ZNF365: variants seen among roughly 807,000 people sequenced by gnomAD.
ZNF365 encodes protein ZNF365.
Under a neutral mutation model 35.0 loss-of-function variants are expected in ZNF365, and 22 were observed. The ratio of observed to expected loss-of-function variants is 0.63; its 90% CI spans 0.45 to 0.90. The LOEUF (loss-of-function observed/expected upper bound fraction) is 0.90, where lower values mean the gene tolerates loss of function less well. ZNF365 is among the 40% of genes least tolerant of loss of function. The pLI, the probability that ZNF365 is intolerant of heterozygous loss-of-function variation, is 0.00. For missense variants in ZNF365, 448 were observed against 500.3 expected, an observed-to-expected ratio of 0.90 and a Z score of 1.00; for synonymous variants, 188 against 196.2, an observed-to-expected ratio of 0.96 and a Z score of 0.35.
chr10:62,375,151 A>G (rs1341109310), intron 1 of ZNF365, among the ~76,000 whole-genome samples: 1 of 152,184 alleles, frequency 6.6e-6, no homozygotes, highest in Non-Finnish European at 1.5e-5. Flanking sequence ...TCATGGAGGA[A>G]TAGAAGATAT....
chr10:62,375,951 T>C (rs1252265441), intron 1 of ZNF365: 3 of 496,358 alleles, frequency 6.0e-6, no homozygotes, highest in African/African-American at 3.8e-5. Context: ...ACCACTGCCA[T>C]TGTGGTTTAC....
At chr10:62,471,435 T>G (rs898323453) in intron 4 of ZNF365, among the ~76,000 whole-genome samples, 3 of 152,076 alleles carry the variant, frequency 2.0e-5, no homozygotes, top group African/African-American at 7.2e-5. Flanking sequence ...ATTTACTTAA[T>G]TCTTATGAAA....
At chr10:62,415,020 G>T (rs10740077) in intron 3 of ZNF365, among the ~76,000 whole-genome samples, 1 of 151,602 alleles carries the variant, frequency 6.6e-6, no homozygotes, top group African/African-American at 2.4e-5. Context: ...TAAAATTTTC[G>T]TCTGATTTGT....
intron 2 of ZNF365, among the ~76,000 whole-genome samples, chr10:62,386,694 GAAGAA>G (rs1839532014): frequency 6.6e-6 from 1 of 152,320 alleles, no homozygotes; most frequent in East Asian, 1.9e-4. Context: ...TATTAGTACA[GAAGAA>G]AAGAGCTGGA....
chr10:62,414,569 T>C (rs907055285), intron 3 of ZNF365, among the ~76,000 whole-genome samples: 1 of 152,172 alleles, frequency 6.6e-6, no homozygotes, highest in African/African-American at 2.4e-5. Context: ...CCAATTGTAC[T>C]ACCTGGTGGA....
At chr10:62,473,691 G>A (rs189587181) in intron 4 of ZNF365, among the ~76,000 whole-genome samples, 4 of 152,204 alleles carry the variant, frequency 2.6e-5, no homozygotes, top group Admixed American at 2.0e-4. Flanking sequence ...TAAATGCTGT[G>A]TTAGATGTGT....
In ZNF365 at chr10:62,425,577, G is replaced by A. The variant is rs1368119271; in HGVS notation, c.925-34164G>A. ...ATATGGTCCAGTCAAGGACCTGTGT[G>A]ATTACCATTCCCTCTGCCTAAACTG... On this transcript the variant is annotated intron_variant, in intron 3 of 4. Coordinates refer to the ZNF365 transcript ENST00000395255. 3.3e-5 allele frequency among the ~76,000 whole-genome samples: 5 copies of A among 152,294 alleles called. 1 individual carries two copies. Among genetic ancestry groups the A allele is most frequent in the African/African-American group, 1.2e-4 (5 of 41,570 alleles).
intron 3 of ZNF365, among the ~76,000 whole-genome samples, chr10:62,394,675 A>T (rs190831641): frequency 1.6e-4 from 24 of 152,340 alleles, no homozygotes; most frequent in African/African-American, 4.3e-4. Flanking sequence ...AAGGGAATTG[A>T]GGGAAAGATA....
chr10:62,379,817 G>C (rs755425092), intron 2 of ZNF365, among the ~76,000 whole-genome samples: 3 of 152,118 alleles, frequency 2.0e-5, no homozygotes, highest in Admixed American at 2.0e-4. Flanking sequence ...TCAGATAAGG[G>C]AAGACCGTAT....
chr10:62,450,128 A>G (rs1269616298), intron 3 of ZNF365, among the ~76,000 whole-genome samples: 3 of 151,940 alleles, frequency 2.0e-5, no homozygotes, highest in African/African-American at 4.8e-5. Context: ...AAATTTTAAG[A>G]CTTAGTGGTG....
At chr10:62,412,936 A>G (rs1802386721) in intron 3 of ZNF365, among the ~76,000 whole-genome samples, 1 of 152,172 alleles carries the variant, frequency 6.6e-6, no homozygotes, top group Non-Finnish European at 1.5e-5. Context: ...AAGGCAGTTC[A>G]TAGCTGATGC....
intron 3 of ZNF365, among the ~76,000 whole-genome samples, chr10:62,439,842 C>T (rs1840467020): frequency 1.3e-5 from 2 of 152,182 alleles, no homozygotes; most frequent in South Asian, 4.2e-4. Flanking sequence ...CATATCCTAA[C>T]TGACACAATC....
chr10:62,477,088 G>A (rs1163733536), intron 4 of ZNF365, among the ~76,000 whole-genome samples: 3 of 152,184 alleles, frequency 2.0e-5, no homozygotes, highest in African/African-American at 4.8e-5. Flanking sequence ...ATTAAAAAGT[G>A]GAGCCAGACT....
intron 3 of ZNF365, among the ~76,000 whole-genome samples, chr10:62,428,879 T>A (rs1053439024): frequency 1.3e-5 from 2 of 152,004 alleles, no homozygotes; most frequent in African/African-American, 4.8e-5. Context: ...AGGGGAGAAG[T>A]GGGGGTGATG....
chr10:62,475,511 AAAACC>A (rs1434988583), intron 4 of ZNF365, among the ~76,000 whole-genome samples: 1 of 152,256 alleles, frequency 6.6e-6, no homozygotes, highest in Non-Finnish European at 1.5e-5. Context: ...GGAATTAAAG[AAAACC>A]ATACCATCTC....
At chr10:62,459,268 T>C (rs1431457284) in intron 3 of ZNF365, among the ~76,000 whole-genome samples, 1 of 152,210 alleles carries the variant, frequency 6.6e-6, no homozygotes, top group Non-Finnish European at 1.5e-5. Flanking sequence ...CTGGTTTCCA[T>C]CTTCTTTGTT....
chr10:62,418,356 G>A (rs777895136), intron 3 of ZNF365, among the ~76,000 whole-genome samples: 5 of 152,094 alleles, frequency 3.3e-5, no homozygotes, highest in Non-Finnish European at 5.9e-5. Context: ...CAGGTTTGGA[G>A]TTTTTAAACA....
rs927832667 is a variant in ZNF365, at chr10:62,401,559, G to C, written c.*1770G>C. Reference sequence around the variant, plus strand: ...CAAAAACATTGCTGTGAATAGCACTGTTTAGGCTAACATTGTAAAAATTGT... The same window carrying C: ...CAAAAACATTGCTGTGAATAGCACTCTTTAGGCTAACATTGTAAAAATTGT... On this transcript the variant is annotated 3_prime_UTR_variant, in exon 5 of 5. Coordinates refer to ENST00000395254, the MANE Select transcript of ZNF365 (RefSeq NM_014951.3). The C allele has an allele frequency of 1.0e-6, 1 of 984,914 alleles. No individual in the cohort carries two copies. Among genetic ancestry groups the C allele is most frequent in the Admixed American group, 6.2e-5 (1 of 16,254 alleles). The allele number at this position is 984,914 out of a possible 1,614,324, so 61.0% of individuals were successfully genotyped here. A position where few individuals can be genotyped will look rare whatever the true frequency, so the allele number is the denominator to read the frequency against.
chr10:62,389,163 T>G (rs950169731), intron 3 of ZNF365, among the ~76,000 whole-genome samples: 2 of 151,820 alleles, frequency 1.3e-5, no homozygotes, highest in Non-Finnish European at 2.9e-5. Flanking sequence ...AAAGCCCAGA[T>G]GAGATCCCTG....
Sources: allele counts gnomAD v4.1 joint callset (sites outside exome capture counted in the v4.1 genomes callset), GRCh38; gene constraint gnomAD v4.1.1; transcripts MANE v1.5; gene names NCBI Gene and HGNC (gene_info 2026-07-23, HGNC 2026-07-21).